Variants in TAF4B observed in about 807,000 individuals in gnomAD.
TAF4B encodes transcription initiation factor TFIID subunit 4B.
TAF4B carries 38 observed loss-of-function variants against 86.4 expected under a neutral mutation model. The ratio of observed to expected loss-of-function variants is 0.44; its 90% confidence interval spans 0.34 to 0.58. The LOEUF (loss-of-function observed/expected upper bound fraction) is 0.58, where lower values mean the gene tolerates loss of function less well. TAF4B is among the 20% of genes least tolerant of loss of function. The pLI is 0.02. For synonymous variants in TAF4B, 388 were observed against 391.2 expected (o/e 0.99, Z 0.10); for missense variants, 988 against 1,027.6 (o/e 0.96, Z 0.53).
intron 1 of TAF4B, chr18:26,256,011 G>T: frequency 7.9e-7 from 1 of 1,273,486 alleles, no homozygotes; most frequent in South Asian, 1.2e-5. Flanking sequence ...GAATTACGAT[G>T]TTTAAATTCC....
Position 26,269,093 on chromosome 18 carries a change from A to G in TAF4B, c.597+1470A>G, listed in dbSNP as rs192095882. Among the ~76,000 whole-genome samples, 277 of 152,260 alleles carry G rather than the reference A, an allele frequency of 1.8e-3. 1 individual carries two copies. Among genetic ancestry groups the G allele is most frequent in the African/African-American group, 6.5e-3 (270 of 41,546 alleles). On this transcript the variant is annotated intron_variant, in intron 3 of 14. Transcript: ENST00000269142. ...TACCTCAGCCTCCCAAAGTCCTGGG[A>G]TTACAGGCATGAGCCACCGCACCCG...
At chr18:26,233,847 G>A (rs539991858) in intron 1 of TAF4B, among the ~76,000 whole-genome samples, 1 of 152,306 alleles carries the variant, frequency 6.6e-6, no homozygotes, top group African/African-American at 2.4e-5. Flanking sequence ...CCGTGATAGT[G>A]CCCTATTCTT....
At chr18:26,334,832 A>G (rs1488482990) in intron 12 of TAF4B, among the ~76,000 whole-genome samples, 2 of 152,176 alleles carry the variant, frequency 1.3e-5, no homozygotes, top group Non-Finnish European at 2.9e-5. Context: ...ATTCATTTAA[A>G]CCAACAATTA....
chr18:26,242,404 A>G (rs1033151672), intron 1 of TAF4B, among the ~76,000 whole-genome samples: 4 of 152,120 alleles, frequency 2.6e-5, no homozygotes, highest in African/African-American at 9.7e-5. Context: ...CTAGGATTGC[A>G]ACCCTTGCCT....
intron 1 of TAF4B, among the ~76,000 whole-genome samples, chr18:26,261,250 C>T (rs564924555): frequency 4.7e-5 from 6 of 127,732 alleles, no homozygotes; most frequent in African/African-American, 8.3e-5. Flanking sequence ...GGCGGGATCT[C>T]GGCTCACTGC....
At chr18:26,319,757 T>C (rs1245250801) in intron 10 of TAF4B, among the ~76,000 whole-genome samples, 1 of 151,910 alleles carries the variant, frequency 6.6e-6, no homozygotes, top group Non-Finnish European at 1.5e-5. Context: ...GACCAGCTAT[T>C]TTTTTTGTAT....
intron 9 of TAF4B, 62 bp downstream of exon 9, chr18:26,293,593 G>C (rs1357343891): frequency 9.6e-7 from 1 of 1,042,858 alleles, no homozygotes. Context: ...AAGGAGAGAT[G>C]ACAGAATAAT....
Position 26,320,947 on chromosome 18 carries a change from T to C in TAF4B, c.2003-123T>C, listed in dbSNP as rs530144264. 4.4e-5 allele frequency: 53 copies of C among 1,198,062 alleles called. No homozygotes were observed. In the South Asian group the frequency reaches 8.6e-4, roughly 19 times the overall value. The allele number at this position is 1,198,062 out of a possible 1,614,324, so 74.2% of individuals were successfully genotyped here. The stretch of plus-strand genomic sequence containing the variant: ...AGTTGTGACTTTACTAGGAAAATCA[T>C]AATCTCCAAACCTTTATTCATAATG... On this transcript the variant is annotated intron_variant, in intron 10 of 14. Transcript: ENST00000269142.
intron 1 of TAF4B, among the ~76,000 whole-genome samples, chr18:26,240,326 A>G: frequency 6.6e-6 from 1 of 152,016 alleles, no homozygotes; most frequent in Non-Finnish European, 1.5e-5. Flanking sequence ...ATTCCTAGGT[A>G]TTTTATTCTC....
At chr18:26,234,654 C>G (rs752440467) in intron 1 of TAF4B, among the ~76,000 whole-genome samples, 1 of 152,160 alleles carries the variant, frequency 6.6e-6, no homozygotes, top group African/African-American at 2.4e-5. Context: ...AGGTTAAGGT[C>G]AGGATTAGCT....
chr18:26,259,682 A>G (rs1048388702), intron 1 of TAF4B, among the ~76,000 whole-genome samples: 15 of 152,100 alleles, frequency 9.9e-5, no homozygotes, highest in Admixed American at 3.3e-4. Context: ...CCAGTCTATC[A>G]TTGATGGACA....
intron 1 of TAF4B, among the ~76,000 whole-genome samples, chr18:26,238,753 C>T (rs962907424): frequency 6.6e-5 from 10 of 152,172 alleles, no homozygotes; most frequent in East Asian, 1.9e-4. Context: ...TCCCACCCCA[C>T]GACAGGCCCC....
chr18:26,325,542 G>A (rs901031883), intron 11 of TAF4B, among the ~76,000 whole-genome samples: 6 of 152,160 alleles, frequency 3.9e-5, no homozygotes, highest in African/African-American at 7.2e-5. Context: ...GTCAGAGGTC[G>A]TTGTATATGA....
intron 1 of TAF4B, among the ~76,000 whole-genome samples, chr18:26,242,032 T>G (rs1184688314): frequency 1.3e-5 from 2 of 152,186 alleles, no homozygotes; most frequent in Admixed American, 1.3e-4. Flanking sequence ...GAATAAGTGC[T>G]ACGTGGTGCT....
chr18:26,227,264 C>T lies in TAF4B; in HGVS notation c.331C>T (p.Gln111Ter). 6.2e-7 allele frequency: 1 copy of T among 1,612,604 alleles called. No individual in the cohort carries two copies. Among genetic ancestry groups the T allele is most frequent in the Non-Finnish European group, 8.5e-7 (1 of 1,179,376 alleles). ...GACAATCCAGTTTCCTGCTAATTTG[C>T]AGCTTCCTCCAGGTATGTTGATAAC... is the stretch of plus-strand genomic sequence containing the variant. ...TTTIQFPANL[Q>*]LPPGTVLIKS... The change falls in exon 1 of 15, where the codon CAG (glutamine) becomes TAG (stop). Residue 111 changes from glutamine (Q) to a stop codon, truncating the protein, a stop_gained. Transcript: ENST00000269142. LOFTEE classifies it high-confidence loss of function.
intron 9 of TAF4B, among the ~76,000 whole-genome samples, chr18:26,302,572 A>G (rs1009114984): frequency 6.6e-6 from 1 of 152,002 alleles, no homozygotes; most frequent in African/African-American, 2.4e-5. Context: ...TTTGTTGTCC[A>G]GGCTGGTTTC....
At chr18:26,322,455 AAAAT>A (rs71169852) in intron 11 of TAF4B, among the ~76,000 whole-genome samples, 31,646 of 151,832 alleles carry the variant, frequency 0.21, 4,138 homozygotes, top group Non-Finnish European at 0.3. Context: ...GAAACACACA[AAAAT>A]AAATAAAGAT....
chr18:26,319,064 C>T (rs775585789), intron 10 of TAF4B, among the ~76,000 whole-genome samples: 10 of 152,060 alleles, frequency 6.6e-5, no homozygotes, highest in Non-Finnish European at 1.0e-4. Context: ...CCTGTTGGCT[C>T]ATGCCTGTAC....
chr18:26,302,506 T>C (rs1234257237), intron 9 of TAF4B, among the ~76,000 whole-genome samples: 2 of 148,474 alleles, frequency 1.3e-5, no homozygotes, highest in African/African-American at 5.0e-5. Context: ...AGACAACAGG[T>C]ACACGCCATA....
Sources: allele counts gnomAD v4.1 joint callset (sites outside exome capture counted in the v4.1 genomes callset), GRCh38; gene constraint gnomAD v4.1.1; transcripts MANE v1.5; gene names NCBI Gene and HGNC (gene_info 2026-07-23, HGNC 2026-07-21).